CLSTN2: variants seen among roughly 807,000 people sequenced by gnomAD.
CLSTN2 encodes the protein calsyntenin 2.
In CLSTN2, 48 loss-of-function variants were observed where a neutral mutation model predicts 101.2. The observed-to-expected ratio is 0.47, with a 90% confidence interval of 0.38 to 0.60. The LOEUF (loss-of-function observed/expected upper bound fraction) is 0.60, where lower values mean the gene tolerates loss of function less well. CLSTN2 is among the 20% of genes least tolerant of loss of function. The pLI is 0.00. For missense variants in CLSTN2, 1,160 were observed against 1,238.2 expected, an observed-to-expected ratio of 0.94 and a Z score of 0.95; for synonymous variants, 481 against 463.6, an observed-to-expected ratio of 1.04 and a Z score of -0.48.
chr3:140,005,525 G>A (rs1437162583), intron 1 of CLSTN2, among the ~76,000 whole-genome samples: 2 of 152,116 alleles, frequency 1.3e-5, no homozygotes, highest in Admixed American at 6.5e-5. Context: ...TTTTCTTTGT[G>A]TCTCCTTTCG....
chr3:140,051,429 T>A (rs1224891569), intron 1 of CLSTN2, among the ~76,000 whole-genome samples: 3 of 152,188 alleles, frequency 2.0e-5, no homozygotes, highest in Non-Finnish European at 4.4e-5. Context: ...ATCCTCAGCA[T>A]GGTCGCTGCA....
intron 2 of CLSTN2, among the ~76,000 whole-genome samples, chr3:140,334,106 C>T (rs1302569786): frequency 6.6e-6 from 1 of 152,098 alleles, no homozygotes; most frequent in African/African-American, 2.4e-5. Context: ...CTTCTTGGGC[C>T]TCAGTTTCCT....
At chr3:140,540,734 G>T (rs1033936511) in intron 9 of CLSTN2, among the ~76,000 whole-genome samples, 1 of 152,150 alleles carries the variant, frequency 6.6e-6, no homozygotes, top group African/African-American at 2.4e-5. Flanking sequence ...AACACACTTT[G>T]CACAGGAAGA....
chr3:140,041,675 A>G (rs1317087524), intron 1 of CLSTN2, among the ~76,000 whole-genome samples: 1 of 152,174 alleles, frequency 6.6e-6, no homozygotes, highest in African/African-American at 2.4e-5. Flanking sequence ...TTCTGCCTGA[A>G]AGGTGTTGGT....
intron 1 of CLSTN2, among the ~76,000 whole-genome samples, chr3:140,157,776 T>C (rs1297810097): frequency 2.6e-5 from 4 of 152,208 alleles, no homozygotes; most frequent in Admixed American, 1.3e-4. Flanking sequence ...TCTACTTGCT[T>C]TGGGGTTAAT....
intron 2 of CLSTN2, among the ~76,000 whole-genome samples, chr3:140,339,200 T>C (rs775382977): frequency 9.2e-5 from 14 of 152,192 alleles, no homozygotes; most frequent in Admixed American, 5.2e-4. Flanking sequence ...TCAAAGGTTC[T>C]CAGGGAAATT....
At chr3:140,424,580 G>A (rs1384359887) in intron 5 of CLSTN2, among the ~76,000 whole-genome samples, 1 of 152,210 alleles carries the variant, frequency 6.6e-6, no homozygotes, top group Non-Finnish European at 1.5e-5. Context: ...CTCTTGTCCT[G>A]CCCCTTCTCC....
chr3:140,294,402 T>G (rs1451282596), intron 2 of CLSTN2, among the ~76,000 whole-genome samples: 3 of 152,142 alleles, frequency 2.0e-5, no homozygotes, highest in Non-Finnish European at 4.4e-5. Flanking sequence ...GCTCCAAGTC[T>G]TTTTTACTGG....
intron 2 of CLSTN2, among the ~76,000 whole-genome samples, chr3:140,394,362 A>C (rs759482689): frequency 1.3e-5 from 2 of 152,180 alleles, no homozygotes; most frequent in Non-Finnish European, 2.9e-5. Flanking sequence ...TACTACCTGC[A>C]ATATCTTAAA....
intron 5 of CLSTN2, among the ~76,000 whole-genome samples, chr3:140,439,669 A>T (rs1285626516): frequency 2.0e-5 from 3 of 152,178 alleles, no homozygotes. Context: ...CGACATTTCA[A>T]TTCAGGTGGG....
chr3:140,036,233 A>G (rs1464987104), intron 1 of CLSTN2, among the ~76,000 whole-genome samples: 3 of 152,058 alleles, frequency 2.0e-5, no homozygotes, highest in African/African-American at 7.3e-5. Flanking sequence ...TCACTTTCTG[A>G]AGCACTAACA....
At chr3:140,392,316 G>A (rs1034804795) in intron 2 of CLSTN2, among the ~76,000 whole-genome samples, 2 of 151,584 alleles carry the variant, frequency 1.3e-5, no homozygotes, top group Non-Finnish European at 1.5e-5. Flanking sequence ...ATAAAAAATT[G>A]TTAATGAGAA....
At chr3:140,065,251 T>A (rs1160693488) in intron 1 of CLSTN2, among the ~76,000 whole-genome samples, 1 of 152,160 alleles carries the variant, frequency 6.6e-6, no homozygotes. Context: ...GAGCCGAAGG[T>A]CTGGGATGAT....
At position 140,572,584 on chromosome 3, in the gene CLSTN2, AG is replaced by A. The variant is rs1336445912; in HGVS notation, c.*6334del. 6.6e-6 allele frequency: 1 copy of A among 152,288 alleles called. No individual in the cohort carries two copies. Among genetic ancestry groups the A allele is most frequent in the Non-Finnish European group, 1.5e-5 (1 of 68,126 alleles). 9.4% of individuals were successfully genotyped at this position (152,288 alleles called of 1,614,324 possible). A position where few individuals can be genotyped will look rare whatever the true frequency, so the allele number is the denominator to read the frequency against. On this transcript the variant is annotated 3_prime_UTR_variant, in exon 17 of 17. Coordinates refer to ENST00000458420, the MANE Select transcript of CLSTN2 (RefSeq NM_022131.3). Reference sequence around the variant, plus strand: ...GGGCCCACCTCCACGAGACCTGCTGAGGGCTTACATTTGGTGCTGAGGAGCA... The same window carrying A: ...GGGCCCACCTCCACGAGACCTGCTGAGGCTTACATTTGGTGCTGAGGAGCA...
intron 2 of CLSTN2, among the ~76,000 whole-genome samples, chr3:140,292,455 A>G (rs2086964332): frequency 6.6e-6 from 1 of 152,158 alleles, no homozygotes; most frequent in South Asian, 2.1e-4. Context: ...CTTGAGCATT[A>G]CTGTGTCCTG....
intron 2 of CLSTN2, among the ~76,000 whole-genome samples, chr3:140,390,949 G>A (rs1411997729): frequency 6.6e-6 from 1 of 152,134 alleles, no homozygotes; most frequent in African/African-American, 2.4e-5. Flanking sequence ...GTAATGTTTT[G>A]TTTTAACAGA....
intron 8 of CLSTN2, among the ~76,000 whole-genome samples, chr3:140,484,258 A>T (rs1030595930): frequency 2.0e-5 from 3 of 152,192 alleles, no homozygotes; most frequent in Non-Finnish European, 2.9e-5. Flanking sequence ...TCTGGGTTGA[A>T]AATTCTTTTC....
chr3:140,125,059 T>A (rs553157616), intron 1 of CLSTN2, among the ~76,000 whole-genome samples: 3 of 152,020 alleles, frequency 2.0e-5, no homozygotes, highest in African/African-American at 7.2e-5. Context: ...ACCACTGGAT[T>A]TAGTAGTGGG....
chr3:140,422,483 A>G (rs567576161), intron 5 of CLSTN2, among the ~76,000 whole-genome samples: 3 of 152,312 alleles, frequency 2.0e-5, no homozygotes, highest in South Asian at 4.1e-4. Context: ...CCCTTGCACA[A>G]CTTGATCTCC....
Sources: gnomAD v4.1 joint callset for allele counts (sites outside exome capture counted in the v4.1 genomes callset) on GRCh38, gnomAD v4.1.1 for gene constraint, MANE v1.5 for transcripts, NCBI Gene and HGNC (gene_info 2026-07-23, HGNC 2026-07-21) for gene names.